Variants in HYDIN observed in about 807,000 individuals in gnomAD.
HYDIN encodes the protein axonemal central pair apparatus protein HYDIN.
In HYDIN, 132 loss-of-function variants were observed where a neutral mutation model predicts 403.9. That is an observed-to-expected ratio of 0.33 (90% CI 0.28 to 0.38). The LOEUF (loss-of-function observed/expected upper bound fraction) is 0.38, where lower values mean the gene tolerates loss of function less well. Among genes scored for constraint, HYDIN ranks in the 10% least tolerant of loss-of-function variants. The pLI is 1.00. For synonymous variants in HYDIN, 1,202 were observed against 1,891.7 expected (o/e 0.64, Z 9.46); for missense variants, 2,827 against 5,009.5 (o/e 0.56, Z 13.15).
chr16:70,940,295 C>T (rs938939777), intron 43 of HYDIN, among the ~76,000 whole-genome samples: 1 of 151,196 alleles, frequency 6.6e-6, no homozygotes, highest in Non-Finnish European at 1.5e-5. Flanking sequence ...GTCATCCTCG[C>T]AAGTTTGAGC....
At chr16:71,042,004 C>T (rs2081300789) in intron 18 of HYDIN, among the ~76,000 whole-genome samples, 1 of 151,262 alleles carries the variant, frequency 6.6e-6, no homozygotes. Flanking sequence ...TTTTCTTCTG[C>T]CAGTGCATGG....
At chr16:70,886,090 T>C (rs966195334) in intron 58 of HYDIN, among the ~76,000 whole-genome samples, 1 of 150,044 alleles carries the variant, frequency 6.7e-6, no homozygotes, top group Admixed American at 6.6e-5. Context: ...AAACCACTAA[T>C]GTTGGATTTT....
At chr16:71,065,666 C>A (rs986325524) in intron 15 of HYDIN, among the ~76,000 whole-genome samples, 1 of 152,152 alleles carries the variant, frequency 6.6e-6, no homozygotes, top group Non-Finnish European at 1.5e-5. Context: ...AGTCCCATTT[C>A]TCTCATAGGT....
At chr16:70,989,393 A>G (rs574649287) in intron 25 of HYDIN, among the ~76,000 whole-genome samples, 16 of 152,226 alleles carry the variant, frequency 1.1e-4, no homozygotes, top group Non-Finnish European at 1.8e-4. Flanking sequence ...AAGAATTAAT[A>G]TTTAAAAGAC....
At chr16:71,081,453 C>T (rs1388129730) in intron 12 of HYDIN, among the ~76,000 whole-genome samples, 1 of 151,560 alleles carries the variant, frequency 6.6e-6, no homozygotes, top group Non-Finnish European at 1.5e-5. Context: ...ACAAACAGGC[C>T]GACAGGCTAT....
At chr16:71,158,035 C>T (rs1338653730) in intron 6 of HYDIN, among the ~76,000 whole-genome samples, 1 of 151,220 alleles carries the variant, frequency 6.6e-6, no homozygotes, top group Non-Finnish European at 1.5e-5. Context: ...CTCCAGTCTC[C>T]TGCTAGTGTC....
At chr16:71,190,198 G>C (rs1260280945) in intron 1 of HYDIN, among the ~76,000 whole-genome samples, 1 of 152,130 alleles carries the variant, frequency 6.6e-6, no homozygotes, top group African/African-American at 2.4e-5. Context: ...TGGGTAATTT[G>C]AGGACAAGGG....
chr16:71,227,698 A>G (rs1372348139), intron 1 of HYDIN, among the ~76,000 whole-genome samples: 7 of 152,214 alleles, frequency 4.6e-5, no homozygotes, highest in South Asian at 4.1e-4. Flanking sequence ...ATGCTCATGG[A>G]TAGGAATAAT....
Position 71,094,617 on chromosome 16 carries a change from G to A in HYDIN, c.1328-682C>T, listed in dbSNP as rs377185375. On this transcript the variant is annotated intron_variant, in intron 10 of 85. Transcript: ENST00000393567. ...TCTCACAAATTCAGATCTACAAAAA[G>A]ACTATCTCTTCATGTATTGAGGAAG... Among the ~76,000 whole-genome samples, 352 of 152,376 alleles carry A rather than the reference G, an allele frequency of 2.3e-3. 3 individuals carry two copies. The highest frequency in any genetic ancestry group is 7.8e-3 in the African/African-American group (326 of 41,586).
chr16:71,112,619 C>T (rs1313995506), intron 10 of HYDIN, among the ~76,000 whole-genome samples: 1 of 151,588 alleles, frequency 6.6e-6, no homozygotes, highest in Non-Finnish European at 1.5e-5. Flanking sequence ...ACCTTAGGGA[C>T]ATTCTTTGAG....
intron 1 of HYDIN, among the ~76,000 whole-genome samples, chr16:71,228,306 C>T (rs2041129539): frequency 6.6e-6 from 1 of 152,110 alleles, no homozygotes; most frequent in African/African-American, 2.4e-5. Flanking sequence ...CCAGAATTGA[C>T]AAATGGGATC....
At chr16:70,881,564 C>T (rs1320484510) in intron 60 of HYDIN, among the ~76,000 whole-genome samples, 6 of 145,914 alleles carry the variant, frequency 4.1e-5, no homozygotes, top group South Asian at 2.1e-4. Flanking sequence ...GCTGAGATTG[C>T]GCCACTGCAC....
intron 58 of HYDIN, among the ~76,000 whole-genome samples, chr16:70,887,972 G>A (rs1567770401): frequency 1.3e-5 from 2 of 152,072 alleles, no homozygotes; most frequent in African/African-American, 4.8e-5. Context: ...CACGAGCCAC[G>A]GCGCCTGGCC....
chr16:71,019,598 T>C (rs1246136272), intron 22 of HYDIN, among the ~76,000 whole-genome samples: 1 of 152,298 alleles, frequency 6.6e-6, no homozygotes, highest in Non-Finnish European at 1.5e-5. Flanking sequence ...TGATTAAATG[T>C]TTTGAAGATT....
At chr16:71,064,154 G>C (rs1568089900) in intron 16 of HYDIN, among the ~76,000 whole-genome samples, 1 of 133,174 alleles carries the variant, frequency 7.5e-6, no homozygotes, top group Non-Finnish European at 1.7e-5. Flanking sequence ...AATCTGTACA[G>C]ATTTTTAAAA....
intron 30 of HYDIN, among the ~76,000 whole-genome samples, chr16:70,978,372 T>TA (rs528616426): frequency 6.7e-6 from 1 of 148,434 alleles, no homozygotes; most frequent in Non-Finnish European, 1.5e-5. Flanking sequence ...TCCATCAGCT[T>TA]AAAAAAACTG....
rs543451330 is a variant in HYDIN, at chr16:70,851,624, G to A, written c.12444-969C>T. On this transcript the variant is annotated intron_variant, in intron 73 of 85. Transcript: ENST00000393567. ...AAAAGGGAACACTTATACACTATTG[G>A]TGGGTATGTAAACTCGTTCTGCCAC... Among the ~76,000 whole-genome samples the A allele has an allele frequency of 7.3e-5, 11 of 151,492 alleles. No homozygotes were observed. The South Asian group carries it at 2.3e-3, about 32-fold the overall frequency.
In HYDIN at chr16:71,062,259, G is replaced by A. The variant is rs1363815949; in HGVS notation, c.2286C>T (p.Ile762=). ...GGGTCTCCAGGACCAGTGGTATGTG[G>A]ATGGTGCTGCTTGGGGAGATGACCC... is the stretch of plus-strand genomic sequence containing the variant. The part of the protein sequence containing the change: ...PSGVISPSST[I]HIPLVLETQV... Residue 762 remains isoleucine (I), a synonymous_variant, in exon 17 of 86, where the codon ATC becomes ATT. Coordinates refer to ENST00000393567, the MANE Select transcript of HYDIN (RefSeq NM_001270974.2). 9.9e-6 allele frequency: 15 copies of A among 1,520,928 alleles called. No homozygotes were observed. The highest frequency in any genetic ancestry group is 9.0e-7 in the Non-Finnish European group (1 of 1,109,908). The allele number at this position is 1,520,928 out of a possible 1,614,324, so 94.2% of individuals were successfully genotyped here.
Position 70,803,993 on chromosome 16 carries a change from C to A in HYDIN, c.*3587G>T, listed in dbSNP as rs1183445656. Among the ~76,000 whole-genome samples the A allele has an allele frequency of 6.6e-6, 1 of 152,216 alleles. No individual in the cohort carries two copies. The highest frequency in any genetic ancestry group is 1.5e-5 in the Non-Finnish European group (1 of 68,040). The stretch of plus-strand genomic sequence containing the variant: ...TGGTCTGCTTTGCTGAGAATGGATT[C>A]TCCAATGTAACTTCCACAAGCATGT... On this transcript the variant is annotated 3_prime_UTR_variant, in exon 86 of 86. Coordinates refer to ENST00000393567, the MANE Select transcript of HYDIN (RefSeq NM_001270974.2).
Sources: allele counts gnomAD v4.1 joint callset (sites outside exome capture counted in the v4.1 genomes callset), GRCh38; gene constraint gnomAD v4.1.1; transcripts MANE v1.5; gene names NCBI Gene and HGNC (gene_info 2026-07-23, HGNC 2026-07-21).